FNDC3B: variants seen among roughly 807,000 people sequenced by gnomAD.
FNDC3B encodes the protein fibronectin type III domain containing 3B, also known as fibronectin type III domain-containing protein 3B.
A neutral mutation model predicts 151.5 loss-of-function variants in FNDC3B; 12 were observed. The observed-to-expected ratio is 0.08, with a 90% CI of 0.05 to 0.13. The LOEUF is 0.13. Among genes scored for constraint, FNDC3B ranks in the 10% least tolerant of loss-of-function variants. The pLI is 1.00. For missense variants in FNDC3B, 1,214 were observed against 1,505.3 expected (o/e 0.81, Z 3.20); for synonymous variants, 528 against 549.0 (o/e 0.96, Z 0.54).
intron 11 of FNDC3B, among the ~76,000 whole-genome samples, chr3:172,316,132 C>T (rs191655665): frequency 1.3e-3 from 194 of 151,320 alleles, no homozygotes; most frequent in East Asian, 4.9e-3. Flanking sequence ...CTCGGCCACT[C>T]GAGCAGCTGA....
At chr3:172,148,520 G>A (rs1427881623) in intron 3 of FNDC3B, 1 of 152,194 alleles carries the variant, frequency 6.6e-6, no homozygotes, top group Non-Finnish European at 1.5e-5. Context: ...TAATGATCTG[G>A]AACTGAGGAA....
chr3:172,207,825 T>C (rs2108703843), intron 3 of FNDC3B, among the ~76,000 whole-genome samples: 1 of 152,304 alleles, frequency 6.6e-6, no homozygotes. Flanking sequence ...CACATGCCTG[T>C]AATCCCAGCT....
At chr3:172,334,732 G>A (rs1732863421) in intron 14 of FNDC3B, among the ~76,000 whole-genome samples, 1 of 152,212 alleles carries the variant, frequency 6.6e-6, no homozygotes, top group Non-Finnish European at 1.5e-5. Flanking sequence ...GTGAGCCACT[G>A]TGCTGGCTGG....
At chr3:172,341,711 T>C (rs145858007) in intron 17 of FNDC3B, among the ~76,000 whole-genome samples, 215 of 152,342 alleles carry the variant, frequency 1.4e-3, no homozygotes, top group African/African-American at 5.1e-3. Flanking sequence ...TATAAATCCA[T>C]GATGACTGAG....
intron 8 of FNDC3B, among the ~76,000 whole-genome samples, chr3:172,298,331 T>C (rs369531489): frequency 1.3e-5 from 2 of 152,052 alleles, no homozygotes; most frequent in Non-Finnish European, 2.9e-5. Flanking sequence ...CAGTCCAGAG[T>C]TGAGATAATT....
Position 172,344,098 on chromosome 3 carries a change from C to A in FNDC3B, c.2090C>A (p.Ser697Ter). 1 of 1,609,906 alleles carries A rather than the reference C, an allele frequency of 6.2e-7. No individual in the cohort carries two copies. Among genetic ancestry groups the A allele is most frequent in the Non-Finnish European group, 8.5e-7 (1 of 1,178,232 alleles). Residue 697 changes from serine to a stop codon, truncating the protein, a stop_gained, in exon 19 of 26, where the codon TCG (serine) becomes TAG (stop). Transcript: ENST00000415807. LOFTEE classifies it high-confidence loss of function. Reference sequence around the variant, plus strand: ...TCTTCATTCCCAGATGTTCCTGCATCGGAAAGTGGCTGTGAGGTCTCAGAG... The same window carrying A: ...TCTTCATTCCCAGATGTTCCTGCATAGGAAAGTGGCTGTGAGGTCTCAGAG... The part of the protein sequence containing the change: ...EVHLEWDVPA[S>*]ESGCEVSEYS...
chr3:172,221,979 TAA>T (rs1726298716), intron 3 of FNDC3B, among the ~76,000 whole-genome samples: 1 of 152,260 alleles, frequency 6.6e-6, no homozygotes, highest in East Asian at 1.9e-4. Flanking sequence ...CTCAGCTATT[TAA>T]AAAGACTGAA....
At chr3:172,267,273 A>G (rs1015098239) in intron 6 of FNDC3B, among the ~76,000 whole-genome samples, 6 of 151,482 alleles carry the variant, frequency 4.0e-5, no homozygotes, top group African/African-American at 1.5e-4. Flanking sequence ...CTCCCACCTC[A>G]GCCTCCCAAG....
At chr3:172,221,709 A>G (rs1726286803) in intron 3 of FNDC3B, among the ~76,000 whole-genome samples, 1 of 152,196 alleles carries the variant, frequency 6.6e-6, no homozygotes, top group Non-Finnish European at 1.5e-5. Context: ...AAGAATGTCA[A>G]GGCTAACCAA....
intron 2 of FNDC3B, among the ~76,000 whole-genome samples, chr3:172,132,298 T>G (rs563775589): frequency 6.6e-6 from 1 of 152,212 alleles, no homozygotes; most frequent in Non-Finnish European, 1.5e-5. Context: ...TTCCGATAAC[T>G]GTAGGATGAA....
chr3:172,048,770 T>C (rs1195276539), intron 1 of FNDC3B, among the ~76,000 whole-genome samples: 2 of 152,206 alleles, frequency 1.3e-5, no homozygotes, highest in Non-Finnish European at 2.9e-5. Context: ...TGGAATATTA[T>C]TCAGCCATAA....
At chr3:172,215,567 T>C (rs772765001) in intron 3 of FNDC3B, among the ~76,000 whole-genome samples, 2 of 152,088 alleles carry the variant, frequency 1.3e-5, no homozygotes, top group Non-Finnish European at 2.9e-5. Context: ...CTACTAAAAA[T>C]ACAAAAATTA....
At chr3:172,307,640 GC>G in intron 10 of FNDC3B, 139 bp downstream of exon 10, 1 of 765,820 alleles carries the variant, frequency 1.3e-6, no homozygotes, top group Non-Finnish European at 2.1e-6. Flanking sequence ...GCTGCAGTGA[GC>G]CATGATCACG....
chr3:172,057,708 G>T (rs1397687780), intron 1 of FNDC3B, among the ~76,000 whole-genome samples: 1 of 148,842 alleles, frequency 6.7e-6, no homozygotes, highest in Non-Finnish European at 1.5e-5. Flanking sequence ...TTTAAATGAG[G>T]CAGTCAGTGC....
At chr3:172,221,888 G>T (rs1031293731) in intron 3 of FNDC3B, among the ~76,000 whole-genome samples, 8 of 152,130 alleles carry the variant, frequency 5.3e-5, no homozygotes, top group Middle Eastern at 3.2e-3. Flanking sequence ...CATTTGTTCT[G>T]ATAATTACTT....
intron 21 of FNDC3B, among the ~76,000 whole-genome samples, chr3:172,349,742 G>A (rs964931639): frequency 1.3e-5 from 2 of 151,916 alleles, no homozygotes; most frequent in Non-Finnish European, 2.9e-5. Context: ...TGCAACCTCC[G>A]CTTCACAGGT....
chr3:172,179,246 G>C (rs1477718303), intron 3 of FNDC3B, among the ~76,000 whole-genome samples: 1 of 47,370 alleles, frequency 2.1e-5, no homozygotes, highest in Non-Finnish European at 3.9e-5. Context: ...ATTTTTAGTA[G>C]AGACGGGTTT....
intron 13 of FNDC3B, among the ~76,000 whole-genome samples, chr3:172,332,578 G>A (rs1732735969): frequency 6.6e-6 from 1 of 152,168 alleles, no homozygotes; most frequent in Admixed American, 6.5e-5. Flanking sequence ...ATGAGTGAAT[G>A]ATAGAATGAT....
intron 9 of FNDC3B, among the ~76,000 whole-genome samples, chr3:172,303,491 G>A (rs755702253): frequency 3.3e-5 from 5 of 152,098 alleles, no homozygotes; most frequent in African/African-American, 2.4e-5. Flanking sequence ...AAAGTTGGAG[G>A]CATACTTCTG....
Sources: allele counts gnomAD v4.1 joint callset (sites outside exome capture counted in the v4.1 genomes callset), GRCh38; gene constraint gnomAD v4.1.1; transcripts MANE v1.5; gene names NCBI Gene and HGNC (gene_info 2026-07-23, HGNC 2026-07-21).